Variants in RALYL observed in about 807,000 individuals in gnomAD.
RALYL encodes RALY RNA binding protein like, also known as RNA-binding Raly-like protein.
RALYL carries 29 observed loss-of-function variants against 35.1 expected under a neutral mutation model. The observed-to-expected ratio is 0.83, with a 90% CI of 0.61 to 1.13. The LOEUF (loss-of-function observed/expected upper bound fraction) is 1.13. Among genes scored for constraint, RALYL ranks in the 50% most tolerant of loss-of-function variants. RALYL has a pLI of 0.00. For synonymous variants in RALYL, 120 were observed against 127.6 expected, an observed-to-expected ratio of 0.94 and a Z score of 0.40; for missense variants, 359 against 360.4, an observed-to-expected ratio of 1.00 and a Z score of 0.03.
intron 2 of RALYL, among the ~76,000 whole-genome samples, chr8:84,612,117 G>A (rs1412744987): frequency 6.6e-6 from 1 of 151,840 alleles, no homozygotes; most frequent in Non-Finnish European, 1.5e-5. Context: ...GGTTTGAATT[G>A]TTTGCTATGT....
chr8:84,756,167 C>T (rs560016100), intron 2 of RALYL, among the ~76,000 whole-genome samples: 5 of 151,776 alleles, frequency 3.3e-5, no homozygotes, highest in Non-Finnish European at 7.4e-5. Flanking sequence ...TCATCCCCCC[C>T]AAAAAAACCA....
At chr8:84,824,696 G>A (rs1406220583) in intron 4 of RALYL, among the ~76,000 whole-genome samples, 1 of 151,990 alleles carries the variant, frequency 6.6e-6, no homozygotes, top group Non-Finnish European at 1.5e-5. Context: ...TGGAGAACCT[G>A]GAAGTAAAGC....
At chr8:84,672,406 T>A (rs1286479777) in intron 2 of RALYL, among the ~76,000 whole-genome samples, 4 of 152,194 alleles carry the variant, frequency 2.6e-5, no homozygotes, top group Non-Finnish European at 5.9e-5. Context: ...CATTTTCCTG[T>A]CTTCTTCTGA....
intron 2 of RALYL, among the ~76,000 whole-genome samples, chr8:84,671,038 G>A (rs189770629): frequency 6.6e-6 from 1 of 152,156 alleles, no homozygotes. Context: ...TACAATGGGG[G>A]TACAGGCATT....
intron 1 of RALYL, among the ~76,000 whole-genome samples, chr8:84,406,859 A>C (rs1473143824): frequency 2.6e-5 from 4 of 152,250 alleles, no homozygotes; most frequent in African/African-American, 9.6e-5. Context: ...CTAATTCTCA[A>C]ATATAATCTT....
intron 1 of RALYL, among the ~76,000 whole-genome samples, chr8:84,440,552 T>C (rs1419603259): frequency 6.6e-6 from 1 of 152,104 alleles, no homozygotes; most frequent in Non-Finnish European, 1.5e-5. Flanking sequence ...AATGACTGAT[T>C]AGTTTTCTGT....
At chr8:84,210,454 A>G (rs1461194983) in intron 1 of RALYL, among the ~76,000 whole-genome samples, 1 of 151,564 alleles carries the variant, frequency 6.6e-6, no homozygotes, top group Admixed American at 6.6e-5. Flanking sequence ...TTCTCACTTA[A>G]TTAGTGGGTC....
intron 2 of RALYL, among the ~76,000 whole-genome samples, chr8:84,731,088 C>T (rs1186774228): frequency 6.6e-6 from 1 of 152,084 alleles, no homozygotes; most frequent in Non-Finnish European, 1.5e-5. Flanking sequence ...TGTAAACTAA[C>T]AACTAAGCCA....
In RALYL at chr8:84,508,854, C is replaced by CTCAAT. The variant is rs60649529; in HGVS notation, c.-23-20445_-23-20444insTCAAT. On this transcript the variant is annotated intron_variant, in intron 1 of 8. Coordinates refer to ENST00000521268, the MANE Select transcript of RALYL (RefSeq NM_173848.7). ...TGCATTATAAAAATTATAATAAAAA[C>CTCAAT]AATCTTTTCAAAAAGTCGTGTATAT... is the stretch of plus-strand genomic sequence containing the variant. Among the ~76,000 whole-genome samples, 3 of 151,942 alleles carry CTCAAT rather than the reference C, an allele frequency of 2.0e-5. No homozygotes were observed. The South Asian group carries it at 6.2e-4, about 32-fold the overall frequency.
At chr8:84,408,066 T>C (rs73304327) in intron 1 of RALYL, among the ~76,000 whole-genome samples, 4,492 of 152,152 alleles carry the variant, frequency 0.03, 218 homozygotes, top group African/African-American at 0.1. Flanking sequence ...TGAAACCTTA[T>C]TTTACTTAAA....
At chr8:84,215,174 A>T (rs1227998728) in intron 1 of RALYL, among the ~76,000 whole-genome samples, 1 of 152,150 alleles carries the variant, frequency 6.6e-6, no homozygotes, top group Non-Finnish European at 1.5e-5. Flanking sequence ...CTGATTCATG[A>T]TTCAAAAAGT....
At chr8:84,868,808 A>G (rs1484223883) in intron 6 of RALYL, among the ~76,000 whole-genome samples, 1 of 152,166 alleles carries the variant, frequency 6.6e-6, no homozygotes, top group South Asian at 2.1e-4. Flanking sequence ...AGGAAATTTC[A>G]TCTATGGGGT....
chr8:84,456,443 T>C (rs900324742), intron 1 of RALYL, among the ~76,000 whole-genome samples: 1 of 152,014 alleles, frequency 6.6e-6, no homozygotes, highest in Non-Finnish European at 1.5e-5. Context: ...ATACTACTCC[T>C]GGGCATCCAG....
At chr8:84,839,444 C>G (rs1402277717) in intron 4 of RALYL, among the ~76,000 whole-genome samples, 1 of 152,222 alleles carries the variant, frequency 6.6e-6, no homozygotes, top group Non-Finnish European at 1.5e-5. Context: ...ATTGCCCAGG[C>G]TTCAGTAGGT....
chr8:84,466,626 T>C (rs1282341269), intron 1 of RALYL, among the ~76,000 whole-genome samples: 4 of 150,550 alleles, frequency 2.7e-5, no homozygotes, highest in South Asian at 2.1e-4. Context: ...TGTCTCTGCC[T>C]GGCTTTGGTA....
intron 2 of RALYL, among the ~76,000 whole-genome samples, chr8:84,641,964 A>T (rs1006574831): frequency 6.6e-6 from 1 of 151,946 alleles, no homozygotes; most frequent in Non-Finnish European, 1.5e-5. Flanking sequence ...TTAAAATTTT[A>T]TTAATAATTA....
chr8:84,367,489 C>A (rs1371586831), intron 1 of RALYL, among the ~76,000 whole-genome samples: 1 of 151,070 alleles, frequency 6.6e-6, no homozygotes, highest in Non-Finnish European at 1.5e-5. Context: ...CTAGCGCAGC[C>A]TCATTTTCTT....
intron 2 of RALYL, among the ~76,000 whole-genome samples, chr8:84,743,245 G>C (rs1311558932): frequency 6.6e-6 from 1 of 151,892 alleles, no homozygotes; most frequent in Non-Finnish European, 1.5e-5. Flanking sequence ...CCCTGACACA[G>C]GATAAAGCTA....
chr8:84,609,590 A>AT (rs1817850548), intron 2 of RALYL, among the ~76,000 whole-genome samples: 1 of 152,148 alleles, frequency 6.6e-6, no homozygotes, highest in Non-Finnish European at 1.5e-5. Context: ...TCAAAACTTG[A>AT]TTTTTTAAAA....
Sources: allele counts gnomAD v4.1 joint callset (sites outside exome capture counted in the v4.1 genomes callset), GRCh38; gene constraint gnomAD v4.1.1; transcripts MANE v1.5; gene names NCBI Gene and HGNC (gene_info 2026-07-23, HGNC 2026-07-21).